FAF1: variants seen among roughly 807,000 people sequenced by gnomAD.
The protein encoded by FAF1 is Fas associated factor 1.
Under a neutral mutation model 92.5 loss-of-function variants are expected in FAF1, and 25 were observed. The observed-to-expected ratio is 0.27, with a 90% CI of 0.20 to 0.38. FAF1 has a LOEUF of 0.38. Ranked by LOEUF, FAF1 falls within the 10% of genes least tolerant of loss-of-function variation. The pLI, the probability that FAF1 is intolerant of heterozygous loss-of-function variation, is 1.00. For missense variants in FAF1, 636 were observed against 793.3 expected (o/e 0.80, Z 2.38); for synonymous variants, 234 against 273.2 (o/e 0.86, Z 1.42).
At chr1:50,492,990 T>C (rs932945785) in intron 15 of FAF1, among the ~76,000 whole-genome samples, 1 of 151,956 alleles carries the variant, frequency 6.6e-6, no homozygotes, top group African/African-American at 2.4e-5. Context: ...ATGTTAAACC[T>C]GATAATGTCT....
At chr1:50,856,475 G>A (rs929124948) in intron 2 of FAF1, among the ~76,000 whole-genome samples, 1 of 151,716 alleles carries the variant, frequency 6.6e-6, no homozygotes, top group African/African-American at 2.4e-5. Flanking sequence ...TTAAAAGCAT[G>A]AATTTAGAGT....
intron 8 of FAF1, among the ~76,000 whole-genome samples, chr1:50,626,569 AAAGAAGTAAGC>A (rs1653507492): frequency 6.6e-6 from 1 of 152,186 alleles, no homozygotes; most frequent in South Asian, 2.1e-4. Context: ...AGATAACACT[AAAGAAGTAAGC>A]AAGAAGTAAG....
At chr1:50,593,244 T>C (rs1242370520) in intron 9 of FAF1, among the ~76,000 whole-genome samples, 2 of 152,200 alleles carry the variant, frequency 1.3e-5, no homozygotes, top group East Asian at 1.9e-4. Flanking sequence ...CTAAATAGTG[T>C]GCTAGCCTCA....
chr1:50,722,534 G>C (rs189979004), intron 6 of FAF1, among the ~76,000 whole-genome samples: 1,856 of 151,638 alleles, frequency 0.012, 23 homozygotes, highest in African/African-American at 0.042. Context: ...CTGTAGTCCC[G>C]GCTACTCGGG....
intron 2 of FAF1, among the ~76,000 whole-genome samples, chr1:50,849,815 T>A (rs901285310): frequency 2.0e-5 from 3 of 152,200 alleles, no homozygotes; most frequent in African/African-American, 7.2e-5. Context: ...CAAAGACATC[T>A]ACACAGCCAC....
At chr1:50,561,811 C>T (rs574489186) in intron 13 of FAF1, among the ~76,000 whole-genome samples, 4 of 150,858 alleles carry the variant, frequency 2.7e-5, no homozygotes, top group South Asian at 4.2e-4. Flanking sequence ...GGTGACAGAG[C>T]GAGACGCCAT....
chr1:50,587,095 G>A (rs1651273481), intron 9 of FAF1, among the ~76,000 whole-genome samples: 1 of 152,104 alleles, frequency 6.6e-6, no homozygotes, highest in South Asian at 2.1e-4. Flanking sequence ...AAAAGGGAAT[G>A]TTCTATATAT....
chr1:50,555,946 G>A (rs114256755), intron 13 of FAF1, among the ~76,000 whole-genome samples: 2,457 of 151,310 alleles, frequency 0.016, 73 homozygotes, highest in African/African-American at 0.055. Context: ...ATATATACAT[G>A]GTGTATATAT....
intron 18 of FAF1, among the ~76,000 whole-genome samples, chr1:50,460,981 A>G (rs1327060160): frequency 6.6e-6 from 1 of 152,202 alleles, no homozygotes; most frequent in Non-Finnish European, 1.5e-5. Context: ...ATAGAAACAC[A>G]CATAACATAT....
chr1:50,501,678 A>G (rs1572789450), intron 15 of FAF1, among the ~76,000 whole-genome samples: 1 of 151,984 alleles, frequency 6.6e-6, no homozygotes, highest in Admixed American at 6.6e-5. Flanking sequence ...AAAAAAAAGA[A>G]AAGACTAACT....
At chr1:50,883,436 GTATACGA>G (rs1285517185) in intron 1 of FAF1, among the ~76,000 whole-genome samples, 1 of 152,186 alleles carries the variant, frequency 6.6e-6, no homozygotes, top group African/African-American at 2.4e-5. Flanking sequence ...AAGCCTTCTG[GTATACGA>G]TATAAAGTTG....
intron 13 of FAF1, among the ~76,000 whole-genome samples, chr1:50,562,625 T>C (rs1393539291): frequency 6.6e-6 from 1 of 152,224 alleles, no homozygotes; most frequent in African/African-American, 2.4e-5. Context: ...ACAGCAACTC[T>C]GTATAAAGTT....
At position 50,679,323 on chromosome 1, in the gene FAF1, C is replaced by CAA. The variant is rs58902185; in HGVS notation, c.658-23797_658-23796dup. On this transcript the variant is annotated intron_variant, in intron 7 of 18. Coordinates refer to ENST00000396153, the MANE Select transcript of FAF1 (RefSeq NM_007051.3). ...TACTTTCTTAAAAAAAAAAAAAGTA[C>CAA]AAAAAAAAAGAATAGCATTTCATTC... Among the ~76,000 whole-genome samples the CAA allele has an allele frequency of 4.3e-4, 62 of 145,776 alleles. No individual in the cohort carries two copies. The South Asian group carries it at 5.0e-3, about 12-fold the overall frequency.
At chr1:50,896,371 C>G (rs1424663171) in intron 1 of FAF1, among the ~76,000 whole-genome samples, 2 of 152,176 alleles carry the variant, frequency 1.3e-5, no homozygotes, top group Non-Finnish European at 2.9e-5. Context: ...GTGATTACTA[C>G]AGTGTATGCC....
chr1:50,595,891 C>A (rs946231311), intron 9 of FAF1, among the ~76,000 whole-genome samples: 5 of 152,162 alleles, frequency 3.3e-5, no homozygotes, highest in East Asian at 1.9e-4. Context: ...ATCATTTCAA[C>A]CAATCCATCT....
At chr1:50,559,261 A>AC (rs1301119765) in intron 13 of FAF1, among the ~76,000 whole-genome samples, 1 of 152,242 alleles carries the variant, frequency 6.6e-6, no homozygotes, top group Non-Finnish European at 1.5e-5. Flanking sequence ...AAAAAAAAAA[A>AC]AAAGGATAAT....
At chr1:50,738,652 T>C (rs1569861651) in intron 6 of FAF1, among the ~76,000 whole-genome samples, 1 of 152,162 alleles carries the variant, frequency 6.6e-6, no homozygotes, top group East Asian at 1.9e-4. Flanking sequence ...GGAGTTATGC[T>C]AAAGACTTTA....
intron 15 of FAF1, among the ~76,000 whole-genome samples, chr1:50,517,920 C>T (rs989475968): frequency 6.6e-6 from 1 of 152,142 alleles, no homozygotes; most frequent in African/African-American, 2.4e-5. Flanking sequence ...TTGTTAAAAC[C>T]CATTTTAAAG....
intron 1 of FAF1, among the ~76,000 whole-genome samples, chr1:50,953,412 T>C (rs1239483195): frequency 6.7e-6 from 1 of 149,916 alleles, no homozygotes. Flanking sequence ...AATAAATAAA[T>C]AAATAAATAA....
Sources: gnomAD v4.1 joint callset for allele counts (sites outside exome capture counted in the v4.1 genomes callset) on GRCh38, gnomAD v4.1.1 for gene constraint, MANE v1.5 for transcripts, NCBI Gene and HGNC (gene_info 2026-07-23, HGNC 2026-07-21) for gene names.